TMEM192: variants seen among roughly 807,000 people sequenced by gnomAD.
The protein encoded by TMEM192 is transmembrane protein 192.
In TMEM192, 20 loss-of-function variants were observed where a neutral mutation model predicts 26.7. That is an observed-to-expected ratio of 0.75 (90% CI 0.53 to 1.09). The LOEUF is 1.09. TMEM192 is among the 50% of genes least tolerant of loss of function. TMEM192 has a pLI of 0.00. For synonymous variants in TMEM192, 124 were observed against 121.0 expected, an observed-to-expected ratio of 1.02 and a Z score of -0.16; for missense variants, 304 against 322.6, an observed-to-expected ratio of 0.94 and a Z score of 0.44.
chr4:165,098,217 C>T (rs796125425), intron 3 of TMEM192, among the ~76,000 whole-genome samples: 2 of 151,774 alleles, frequency 1.3e-5, no homozygotes, highest in Admixed American at 6.6e-5. Context: ...CTCTGCCTCC[C>T]GGATTCAAGC....
At chr4:165,094,998 G>T (rs1309913568) in intron 3 of TMEM192, among the ~76,000 whole-genome samples, 1 of 151,800 alleles carries the variant, frequency 6.6e-6, no homozygotes, top group Non-Finnish European at 1.5e-5. Context: ...AGATTCTAAG[G>T]TTAATGCTTG....
chr4:165,104,128 T>C (rs1474082817), intron 1 of TMEM192, among the ~76,000 whole-genome samples: 2 of 152,172 alleles, frequency 1.3e-5, no homozygotes, highest in African/African-American at 2.4e-5. Flanking sequence ...CTCAAAAATA[T>C]GGATATATAC....
chr4:165,106,934 C>T (rs970199355), intron 1 of TMEM192, among the ~76,000 whole-genome samples: 1 of 152,114 alleles, frequency 6.6e-6, no homozygotes, highest in African/African-American at 2.4e-5. Context: ...AATCCTAATA[C>T]GATCCCCAAA....
In TMEM192 at chr4:165,081,637, C is replaced by T. The variant is rs1447205436; in HGVS notation, c.678-1841G>A. ...CGATATCCTGACCCCATGATCCACC[C>T]GCCTCGGCCTCCCAAAGTGCTGGGA... On this transcript the variant is annotated intron_variant, in intron 5 of 5. Transcript: ENST00000306480. Among the ~76,000 whole-genome samples the T allele has an allele frequency of 5.3e-5, 2 of 37,440 alleles. 1 individual carries two copies. Among genetic ancestry groups the T allele is most frequent in the African/African-American group, 9.6e-5 (2 of 20,776 alleles). 24.6% of individuals were successfully genotyped at this position (37,440 alleles called of 152,430 possible). A position where few individuals can be genotyped will look rare whatever the true frequency, so the allele number is the denominator to read the frequency against.
intron 3 of TMEM192, among the ~76,000 whole-genome samples, chr4:165,098,700 GT>G (rs974361441): frequency 7.3e-5 from 11 of 150,894 alleles, no homozygotes; most frequent in East Asian, 3.9e-4. Context: ...ATGGATTCAA[GT>G]TTTTTTTTCT....
At chr4:165,105,581 T>G (rs925443374) in intron 1 of TMEM192, among the ~76,000 whole-genome samples, 2 of 152,246 alleles carry the variant, frequency 1.3e-5, no homozygotes, top group Non-Finnish European at 2.9e-5. Context: ...CTCATGACAC[T>G]GCCTGACGCA....
In TMEM192 at chr4:165,085,826, C is replaced by T. The variant is rs929975936; in HGVS notation, c.575-138G>A. 83 of 610,354 alleles carry T rather than the reference C, an allele frequency of 1.4e-4. No individual in the cohort carries two copies. In the African/African-American group the frequency reaches 1.5e-3, roughly 11 times the overall value. 37.8% of individuals were successfully genotyped at this position (610,354 alleles called of 1,614,324 possible). A position where few individuals can be genotyped will look rare whatever the true frequency, so the allele number is the denominator to read the frequency against. ...TACTATGTGCCAGGCCTGTTCTAAGCCCTGGGAATATAGGGATTACATTAG... is the reference window on the plus strand; with the variant it reads ...TACTATGTGCCAGGCCTGTTCTAAGTCCTGGGAATATAGGGATTACATTAG... On this transcript the variant is annotated intron_variant, in intron 4 of 5. Coordinates refer to ENST00000306480, the MANE Select transcript of TMEM192 (RefSeq NM_001100389.2).
At chr4:165,102,230 T>A (rs778817740) in intron 2 of TMEM192, among the ~76,000 whole-genome samples, 4 of 152,252 alleles carry the variant, frequency 2.6e-5, no homozygotes, top group Non-Finnish European at 4.4e-5. Context: ...TCCCTAGGTA[T>A]AAGTAAATTG....
In TMEM192 at chr4:165,079,169, AC is replaced by A. The variant is rs1734459925; in HGVS notation, c.*488del. 1 of 153,106 alleles carries A rather than the reference AC, an allele frequency of 6.5e-6. No homozygotes were observed. Among genetic ancestry groups the A allele is most frequent in the African/African-American group, 2.4e-5 (1 of 41,464 alleles). The allele number at this position is 153,106 out of a possible 1,614,324, so 9.5% of individuals were successfully genotyped here. A position where few individuals can be genotyped will look rare whatever the true frequency, so the allele number is the denominator to read the frequency against. The stretch of plus-strand genomic sequence containing the variant: ...ATGGTCCATGATGTCATCCAACACC[AC>A]ATAAGCATATAAAATACATGATAAG... On this transcript the variant is annotated 3_prime_UTR_variant, in exon 6 of 6. Coordinates refer to ENST00000306480, the MANE Select transcript of TMEM192 (RefSeq NM_001100389.2).
chr4:165,095,910 G>A (rs1188375128), intron 3 of TMEM192, among the ~76,000 whole-genome samples: 1 of 150,678 alleles, frequency 6.6e-6, no homozygotes, highest in Admixed American at 6.6e-5. Flanking sequence ...GAGTAGCTGG[G>A]ATTATAGGCG....
rs755661047 is a variant in TMEM192 at position 165,085,668 on chromosome 4, T to C, written c.595A>G (p.Lys199Glu). 1.2e-6 allele frequency: 2 copies of C among 1,607,834 alleles called. No individual in the cohort carries two copies. Among genetic ancestry groups the C allele is most frequent in the Non-Finnish European group, 1.7e-6 (2 of 1,177,700 alleles). The change falls in exon 5 of 6, where the codon AAA (lysine) becomes GAA (glutamate). Residue 199 changes from lysine (K) to glutamate (E), a missense_variant. By Grantham distance (56) the Lys-to-Glu change is moderately conservative. Transcript: ENST00000306480. ...AGTATATCAGGCTCTGGTTTAGCTT[T>C]ATTAAATCTCCGGATTTTCACTAAA... is the stretch of plus-strand genomic sequence containing the variant. ...IYTVKIRRFN[K>E]AKPEPDILEE...
At chr4:165,111,721 G>A (rs1360917307) in intron 1 of TMEM192, 1 of 152,098 alleles carries the variant, frequency 6.6e-6, no homozygotes, top group Non-Finnish European at 1.5e-5. Flanking sequence ...GAAATTGTTT[G>A]GTCTTTATTT....
At chr4:165,107,011 AT>A (rs1049637061) in intron 1 of TMEM192, among the ~76,000 whole-genome samples, 1 of 150,996 alleles carries the variant, frequency 6.6e-6, no homozygotes, top group African/African-American at 2.4e-5. Context: ...ACTTCTCAGG[AT>A]TTTTTTTCTC....
intron 4 of TMEM192, among the ~76,000 whole-genome samples, chr4:165,086,589 T>G (rs570120291): frequency 1.2e-4 from 18 of 151,602 alleles, no homozygotes; most frequent in Admixed American, 4.0e-4. Flanking sequence ...ACCCAGCTAA[T>G]TTTTTTTGTA....
rs953253565 is a variant in TMEM192 at position 165,079,599 on chromosome 4, G to T, written c.*59C>A. On this transcript the variant is annotated 3_prime_UTR_variant, in exon 6 of 6. Transcript: ENST00000306480. ...GTTCCCCGTGGCAGCTTGTCAGGTGGTCAGTCAGTCTCAATTACTCTGGGT... is the reference window on the plus strand; with the variant it reads ...GTTCCCCGTGGCAGCTTGTCAGGTGTTCAGTCAGTCTCAATTACTCTGGGT... The T allele has an allele frequency of 6.6e-7, 1 of 1,526,492 alleles. No individual in the cohort carries two copies. Among genetic ancestry groups the T allele is most frequent in the Non-Finnish European group, 8.8e-7 (1 of 1,131,874 alleles). 94.6% of individuals were successfully genotyped at this position (1,526,492 alleles called of 1,614,324 possible). A position where few individuals can be genotyped will look rare whatever the true frequency, so the allele number is the denominator to read the frequency against.
intron 2 of TMEM192, among the ~76,000 whole-genome samples, chr4:165,102,165 T>C (rs1735052107): frequency 6.6e-6 from 1 of 152,220 alleles, no homozygotes; most frequent in Non-Finnish European, 1.5e-5. Context: ...TTTGTCATCA[T>C]ACAAAAATTG....
At chr4:165,091,085 G>A (rs1734751401) in intron 3 of TMEM192, among the ~76,000 whole-genome samples, 1 of 151,712 alleles carries the variant, frequency 6.6e-6, no homozygotes, top group Non-Finnish European at 1.5e-5. Flanking sequence ...CTAACACAGT[G>A]AAACCCCGTC....
intron 1 of TMEM192, among the ~76,000 whole-genome samples, chr4:165,109,611 C>T (rs1372681959): frequency 3.9e-5 from 6 of 152,188 alleles, no homozygotes; most frequent in South Asian, 2.1e-4. Context: ...GTGATCCACC[C>T]GCCTCAGCCT....
chr4:165,106,454 C>G (rs953503306), intron 1 of TMEM192, among the ~76,000 whole-genome samples: 1 of 152,200 alleles, frequency 6.6e-6, no homozygotes, highest in Non-Finnish European at 1.5e-5. Context: ...GGCAAAGTAT[C>G]GTCTGTGAGG....
Sources: allele counts gnomAD v4.1 joint callset (sites outside exome capture counted in the v4.1 genomes callset), GRCh38; gene constraint gnomAD v4.1.1; transcripts MANE v1.5; gene names NCBI Gene and HGNC (gene_info 2026-07-23, HGNC 2026-07-21).